Variants in FOXP2 observed in about 807,000 individuals in gnomAD.
FOXP2 encodes the protein forkhead box protein P2.
In FOXP2, 12 loss-of-function variants were observed where a neutral mutation model predicts 115.8. The observed-to-expected ratio is 0.10, with a 90% CI of 0.07 to 0.17. The LOEUF (loss-of-function observed/expected upper bound fraction) is 0.17. Among genes scored for constraint, FOXP2 ranks in the 10% least tolerant of loss-of-function variants. The probability of loss-of-function intolerance (pLI) is 1.00; values close to 1 mark genes in which losing one functional copy is unlikely to be tolerated. For synonymous variants in FOXP2, 328 were observed against 297.7 expected (o/e 1.10, Z -1.05); for missense variants, 629 against 843.5 (o/e 0.75, Z 3.15).
intron 2 of FOXP2, among the ~76,000 whole-genome samples, chr7:114,329,534 G>GA (rs72260597): frequency 2.9e-4 from 41 of 140,676 alleles, no homozygotes; most frequent in South Asian, 2.3e-3. Context: ...AAAAAAAAAA[G>GA]AAAAAAAAAA....
chr7:114,289,691 A>C (rs112375368), intron 2 of FOXP2, among the ~76,000 whole-genome samples: 2 of 151,882 alleles, frequency 1.3e-5, no homozygotes, highest in African/African-American at 4.8e-5. Flanking sequence ...ATTGCACTTG[A>C]AGTTAGTCCT....
intron 3 of FOXP2, 85 bp from the exon 4 acceptor site, chr7:114,628,455 A>G: frequency 6.4e-7 from 1 of 1,555,872 alleles, no homozygotes; most frequent in Admixed American, 1.7e-5. Flanking sequence ...AGAATTTATA[A>G]AAGATAACAT....
At chr7:114,153,414 T>C (rs1232955745) in intron 1 of FOXP2, among the ~76,000 whole-genome samples, 3 of 152,176 alleles carry the variant, frequency 2.0e-5, no homozygotes, top group Admixed American at 2.0e-4. Context: ...GTTTTCCTTT[T>C]TGAACAATAG....
intron 1 of FOXP2, among the ~76,000 whole-genome samples, chr7:114,417,101 G>A (rs1207921931): frequency 1.3e-5 from 2 of 151,928 alleles, no homozygotes; most frequent in Admixed American, 6.6e-5. Flanking sequence ...AGGGATTTGT[G>A]CTGGAATGTG....
At chr7:114,101,156 T>G (rs1006699616) in intron 1 of FOXP2, among the ~76,000 whole-genome samples, 1 of 152,178 alleles carries the variant, frequency 6.6e-6, no homozygotes, top group African/African-American at 2.4e-5. Context: ...TTCAACAAGT[T>G]GTGTCACAAA....
At position 114,692,796 on chromosome 7, in the gene FOXP2, G is replaced by C; in HGVS notation, c.*2870G>C. 1 of 446,064 alleles carries C rather than the reference G, an allele frequency of 2.2e-6. No homozygotes were observed. Among genetic ancestry groups the C allele is most frequent in the Non-Finnish European group, 4.5e-6 (1 of 223,054 alleles). The allele number at this position is 446,064 out of a possible 1,614,324, so 27.6% of individuals were successfully genotyped here. On this transcript the variant is annotated 3_prime_UTR_variant, in exon 17 of 17. Transcript: ENST00000350908. ...ATTTTAAACTGTAGCACAAACATCTGTTTATGTATTGGTGGAATATACCTG... is the reference window on the plus strand; with the variant it reads ...ATTTTAAACTGTAGCACAAACATCTCTTTATGTATTGGTGGAATATACCTG...
chr7:114,614,458 A>G (rs752076211), intron 3 of FOXP2, among the ~76,000 whole-genome samples: 6 of 152,020 alleles, frequency 3.9e-5, no homozygotes, highest in African/African-American at 4.8e-5. Context: ...CTACTTTGCC[A>G]TTTACTTTTA....
At chr7:114,292,444 G>A (rs1796629558) in intron 2 of FOXP2, among the ~76,000 whole-genome samples, 1 of 151,966 alleles carries the variant, frequency 6.6e-6, no homozygotes, top group Admixed American at 6.6e-5. Flanking sequence ...TTACAGCCTA[G>A]TGTGGTATTT....
chr7:114,312,000 G>A (rs982027670), intron 2 of FOXP2, among the ~76,000 whole-genome samples: 5 of 152,084 alleles, frequency 3.3e-5, no homozygotes, highest in Admixed American at 2.0e-4. Flanking sequence ...GCTGGGTGGG[G>A]CAGGAGGAGG....
chr7:114,212,122 A>AATAAAATAAAATAAAATAAAATAAAAT (rs67192679), intron 1 of FOXP2, among the ~76,000 whole-genome samples: 50 of 131,036 alleles, frequency 3.8e-4, no homozygotes, highest in South Asian at 2.7e-3. Flanking sequence ...AATAAAATAA[A>AATAAAATAAAATAAAATAAAATAAAAT]ATATATATAT....
At chr7:114,300,348 T>G (rs1351442602) in intron 2 of FOXP2, among the ~76,000 whole-genome samples, 4 of 152,102 alleles carry the variant, frequency 2.6e-5, no homozygotes, top group African/African-American at 9.6e-5. Flanking sequence ...TTAAATAACA[T>G]ATTTTGTCCT....
In FOXP2 at chr7:114,639,529, A is replaced by T. The variant is rs570412888; in HGVS notation, c.776-2881A>T. Among the ~76,000 whole-genome samples the T allele has an allele frequency of 4.7e-3, 718 of 151,162 alleles. 6 individuals carry two copies. The highest frequency in any genetic ancestry group is 7.5e-3 in the Non-Finnish European group (506 of 67,674). ...GTTTCAGAAACTGTTACATGATTTT[A>T]AAAAAAAAGCTGGATGAGGAGTTAA... On this transcript the variant is annotated intron_variant, in intron 6 of 16. Coordinates refer to ENST00000350908, the MANE Select transcript of FOXP2 (RefSeq NM_014491.4).
chr7:114,595,330 A>G (rs973310774), intron 3 of FOXP2, among the ~76,000 whole-genome samples: 1 of 152,016 alleles, frequency 6.6e-6, no homozygotes, highest in Non-Finnish European at 1.5e-5. Context: ...AAGCATTTTT[A>G]TTACCAGAAA....
At chr7:114,343,261 A>G (rs911247270) in intron 2 of FOXP2, among the ~76,000 whole-genome samples, 1 of 151,554 alleles carries the variant, frequency 6.6e-6, no homozygotes, top group Non-Finnish European at 1.5e-5. Context: ...TGTTGATGTA[A>G]ATTTTGCTTA....
intron 1 of FOXP2, among the ~76,000 whole-genome samples, chr7:114,256,520 T>C (rs1795617732): frequency 6.6e-6 from 1 of 152,220 alleles, no homozygotes; most frequent in Admixed American, 6.5e-5. Flanking sequence ...TGTCTGTTCA[T>C]GTCCTTGCCC....
intron 2 of FOXP2, among the ~76,000 whole-genome samples, chr7:114,293,171 T>C (rs952494128): frequency 1.3e-5 from 2 of 152,186 alleles, no homozygotes; most frequent in Non-Finnish European, 2.9e-5. Flanking sequence ...ATGTCATCAA[T>C]AGAATACGGC....
At chr7:114,643,459 T>C (rs954853617) in intron 7 of FOXP2, among the ~76,000 whole-genome samples, 1 of 152,158 alleles carries the variant, frequency 6.6e-6, no homozygotes, top group East Asian at 1.9e-4. Flanking sequence ...TAAGTAAATA[T>C]ATAAAGATAA....
chr7:114,278,520 A>G (rs904012389), intron 1 of FOXP2, among the ~76,000 whole-genome samples: 1 of 151,924 alleles, frequency 6.6e-6, no homozygotes, highest in East Asian at 1.9e-4. Context: ...ATGCCTGGCT[A>G]ATTTTTGTAT....
intron 7 of FOXP2, 73 bp from the exon 8 acceptor site, chr7:114,644,612 C>A: frequency 7.8e-7 from 1 of 1,278,622 alleles, no homozygotes; most frequent in Non-Finnish European, 1.1e-6. Flanking sequence ...TGATCGTAAC[C>A]TGACAGGCGC....
Sources: allele counts gnomAD v4.1 joint callset (sites outside exome capture counted in the v4.1 genomes callset), GRCh38; gene constraint gnomAD v4.1.1; transcripts MANE v1.5; gene names NCBI Gene and HGNC (gene_info 2026-07-23, HGNC 2026-07-21).